The following MEIS2 variants were observed in gnomAD, a reference collection of about 807,000 sequenced individuals.
MEIS2 encodes the protein homeobox protein Meis2.
MEIS2 carries 9 observed loss-of-function variants against 58.6 expected under a neutral mutation model. That is an observed-to-expected ratio of 0.15 (90% CI 0.09 to 0.27). The LOEUF is 0.27. Ranked by LOEUF, MEIS2 falls within the 10% of genes least tolerant of loss-of-function variation. MEIS2 has a pLI of 1.00. For synonymous variants in MEIS2, 221 were observed against 228.4 expected (o/e 0.97, Z 0.29); for missense variants, 427 against 635.0 (o/e 0.67, Z 3.52).
chr15:36,907,401 G>C (rs1020218787), intron 9 of MEIS2, among the ~76,000 whole-genome samples: 7 of 152,162 alleles, frequency 4.6e-5, no homozygotes, highest in African/African-American at 7.2e-5. Flanking sequence ...CAACACACCG[G>C]CAATCTAAAG....
chr15:37,016,412 A>C (rs1016942150), intron 8 of MEIS2, among the ~76,000 whole-genome samples: 1 of 151,632 alleles, frequency 6.6e-6, no homozygotes, highest in Non-Finnish European at 1.5e-5. Context: ...GTAAGCCTCC[A>C]GTTTGCGAGA....
chr15:36,939,819 C>A (rs918819786), intron 9 of MEIS2, among the ~76,000 whole-genome samples: 1 of 152,068 alleles, frequency 6.6e-6, no homozygotes, highest in Non-Finnish European at 1.5e-5. Context: ...TTTATAATAT[C>A]TAAAATTCTG....
intron 8 of MEIS2, among the ~76,000 whole-genome samples, chr15:37,012,939 A>T (rs1375551497): frequency 6.6e-6 from 1 of 152,200 alleles, no homozygotes; most frequent in Non-Finnish European, 1.5e-5. Context: ...GCATATTTCA[A>T]TCTCAGTGAC....
At chr15:37,030,379 T>A (rs1439530108) in intron 8 of MEIS2, among the ~76,000 whole-genome samples, 2 of 152,036 alleles carry the variant, frequency 1.3e-5, no homozygotes, top group East Asian at 3.9e-4. Context: ...TTCTTTTTTT[T>A]AGGCTGGAGT....
chr15:36,921,095 T>G (rs2057490298), intron 9 of MEIS2, among the ~76,000 whole-genome samples: 1 of 152,300 alleles, frequency 6.6e-6, no homozygotes, highest in South Asian at 2.1e-4. Context: ...ACATGGCATA[T>G]AAAGCTTTCT....
In MEIS2 at chr15:37,087,149, C is replaced by A. The variant is rs116598460; in HGVS notation, c.640-3264G>T. On this transcript the variant is annotated intron_variant, in intron 6 of 11. Coordinates refer to ENST00000561208, the MANE Select transcript of MEIS2 (RefSeq NM_170675.5). ...CGCCGGGTGCCCGTGTATGACTGAG[C>A]ATTCAGGTATATGCATGCCACAATA... 4.6e-3 allele frequency among the ~76,000 whole-genome samples: 702 copies of A among 152,200 alleles called. 8 individuals carry two copies. The highest frequency in any genetic ancestry group is 0.016 in the African/African-American group (683 of 41,530).
At chr15:37,031,810 T>C (rs1175328680) in intron 8 of MEIS2, among the ~76,000 whole-genome samples, 1 of 144,320 alleles carries the variant, frequency 6.9e-6, no homozygotes, top group East Asian at 2.1e-4. Context: ...TAATATTACA[T>C]CACTTTGTGT....
chr15:37,048,910 G>A (rs892874208), intron 7 of MEIS2, among the ~76,000 whole-genome samples: 1 of 152,122 alleles, frequency 6.6e-6, no homozygotes, highest in Non-Finnish European at 1.5e-5. Context: ...GAACATATTT[G>A]TTAGCTATTA....
chr15:37,074,170 G>A (rs1891070717), intron 7 of MEIS2, among the ~76,000 whole-genome samples: 1 of 151,840 alleles, frequency 6.6e-6, no homozygotes. Flanking sequence ...GTTGCTCTGT[G>A]TTTTCAAAAC....
chr15:36,959,483 G>T (rs565013043), intron 8 of MEIS2, among the ~76,000 whole-genome samples: 8 of 152,238 alleles, frequency 5.3e-5, no homozygotes, highest in African/African-American at 1.9e-4. Context: ...ATAAATACGT[G>T]TTGAACTAAT....
intron 8 of MEIS2, among the ~76,000 whole-genome samples, chr15:37,022,728 T>C (rs1023491684): frequency 6.6e-6 from 1 of 152,120 alleles, no homozygotes; most frequent in Admixed American, 6.6e-5. Flanking sequence ...CAACCTCGTC[T>C]CCCAGGAGGG....
chr15:37,007,158 G>A (rs1389754670), intron 8 of MEIS2, among the ~76,000 whole-genome samples: 1 of 152,144 alleles, frequency 6.6e-6, no homozygotes, highest in Non-Finnish European at 1.5e-5. Flanking sequence ...AGGGCAATCC[G>A]ATTTCCTTGC....
At chr15:37,037,133 G>T (rs969380352) in intron 7 of MEIS2, among the ~76,000 whole-genome samples, 174 bp from the exon 8 acceptor site, 3 of 152,198 alleles carry the variant, frequency 2.0e-5, no homozygotes, top group African/African-American at 7.2e-5. Context: ...ATTAAACCAG[G>T]CCTCTTCAAA....
rs1473337121 is a variant in MEIS2 at position 37,094,532 on chromosome 15, C to G, written c.484G>C (p.Glu162Gln). Reference protein sequence around the residue: ...QVLRFHLLELEKVHELCDNFC... With the variant: ...QVLRFHLLELQKVHELCDNFC... ...GAGCGTTATTTCCTGCTTACCTTTT[C>G]TAACTCCAAAAGATGAAACCTTAGT... Residue 162 changes from glutamate (E) to glutamine (Q), a missense_variant, in exon 5 of 12, where the codon GAA becomes CAA. Physicochemically the swap from Glu to Gln is conservative, Grantham distance 29. This residue lies in a region of MEIS2 where 138 missense variants were observed against 263.0 expected (regional missense o/e 0.52). Coordinates refer to ENST00000561208, the MANE Select transcript of MEIS2 (RefSeq NM_170675.5). 6.2e-7 allele frequency: 1 copy of G among 1,613,012 alleles called. No individual in the cohort carries two copies. The highest frequency in any genetic ancestry group is 1.3e-5 in the African/African-American group (1 of 74,884).
intron 6 of MEIS2, among the ~76,000 whole-genome samples, chr15:37,086,904 C>T (rs1410477677): frequency 6.6e-6 from 1 of 152,166 alleles, no homozygotes; most frequent in Non-Finnish European, 1.5e-5. Flanking sequence ...AAACCTATTA[C>T]TTTTAACAAT....
In MEIS2 at chr15:37,098,041, G is replaced by A; in HGVS notation, c.171C>T (p.His57=). The A allele has an allele frequency of 6.2e-7, 1 of 1,613,368 alleles. No homozygotes were observed. Among genetic ancestry groups the A allele is most frequent in the Non-Finnish European group, 8.5e-7 (1 of 1,179,586 alleles). Residue 57 remains histidine, a synonymous_variant, in exon 2 of 12, where the codon CAC becomes CAT. Transcript: ENST00000561208. ...ATQHYGAHAP[H]PNVMPASMGS... ...CCATACTGGCCGGCATGACATTGGGGTGCGGGGCGTGCGCGCCGTAGTGCT... is the reference window on the plus strand; with the variant it reads ...CCATACTGGCCGGCATGACATTGGGATGCGGGGCGTGCGCGCCGTAGTGCT...
intron 8 of MEIS2, among the ~76,000 whole-genome samples, chr15:37,009,161 C>T (rs949300897): frequency 6.6e-6 from 1 of 152,008 alleles, no homozygotes; most frequent in African/African-American, 2.4e-5. Flanking sequence ...TGGTGGCGGG[C>T]GCCTATAGTC....
At chr15:37,034,089 A>G (rs184571070) in intron 8 of MEIS2, among the ~76,000 whole-genome samples, 1 of 152,272 alleles carries the variant, frequency 6.6e-6, no homozygotes, top group Admixed American at 6.5e-5. Context: ...CAGGAGAGAA[A>G]TAAAGCAGTT....
intron 8 of MEIS2, among the ~76,000 whole-genome samples, chr15:36,990,336 T>A (rs2060230658): frequency 6.6e-6 from 1 of 152,104 alleles, no homozygotes; most frequent in Admixed American, 6.5e-5. Flanking sequence ...GAATCCACAC[T>A]TTGTTGAATC....
Sources: allele counts gnomAD v4.1 joint callset (sites outside exome capture counted in the v4.1 genomes callset), GRCh38; gene constraint gnomAD v4.1.1; regional missense constraint gnomAD v4.1.1; transcripts MANE v1.5; gene names NCBI Gene and HGNC (gene_info 2026-07-23, HGNC 2026-07-21).